PHF1: variants seen among roughly 807,000 people sequenced by gnomAD.
PHF1 encodes polycomb-like 1.
Under a neutral mutation model 69.4 loss-of-function variants are expected in PHF1, and 16 were observed. That is an observed-to-expected ratio of 0.23 (90% confidence interval 0.16 to 0.35). The LOEUF (loss-of-function observed/expected upper bound fraction) is 0.35. PHF1 is among the 10% of genes least tolerant of loss of function. The pLI, the probability that PHF1 is intolerant of heterozygous loss-of-function variation, is 1.00. For missense variants in PHF1, 515 were observed against 732.8 expected, an observed-to-expected ratio of 0.70 and a Z score of 3.43; for synonymous variants, 274 against 275.0, an observed-to-expected ratio of 1.00 and a Z score of 0.04.
At position 33,414,505 on chromosome 6, in the gene PHF1, C is replaced by T; in HGVS notation, c.905C>T (p.Ser302Phe). ...TCAGACACCCCCAAAGGAGAACGTT[C>T]TTCCAGGCTCCTCTCTGCTCTTAAC... ...ELSDTPKGER[S>F]SRLLSALNSH... Residue 302 changes from serine to phenylalanine, a missense_variant, in exon 10 of 15, where the codon TCT (serine) becomes TTT (phenylalanine). Around this residue, in one of 5 missense-constraint regions of PHF1, gnomAD observed 142 missense variants for 309.7 expected, o/e 0.46. Coordinates refer to ENST00000374516, the MANE Select transcript of PHF1 (RefSeq NM_024165.3). This position sits in a 1 kb window ranked among gnomAD's most constrained non-coding sequence, Gnocchi z 5.0. The T allele has an allele frequency of 1.9e-6, 3 of 1,613,970 alleles. No individual in the cohort carries two copies. Among genetic ancestry groups the T allele is most frequent in the Non-Finnish European group, 2.5e-6 (3 of 1,179,922 alleles).
chr6:33,414,158 T>G lies in PHF1; in HGVS notation c.752+49T>G. 6.2e-7 allele frequency: 1 copy of G among 1,613,780 alleles called. No individual in the cohort carries two copies. The highest frequency in any genetic ancestry group is 8.5e-7 in the Non-Finnish European group (1 of 1,179,716). On this transcript the variant is annotated intron_variant, in intron 8 of 14. Transcript: ENST00000374516. The surrounding 1 kb of genome is among the most constrained non-coding windows in gnomAD (Gnocchi z 5.0). ...CAGTGTAACTCCACACCACAGTATT[T>G]CACTCTATATGCCCCAACCTCCCAC...
rs753675802 is a variant in PHF1 at position 33,416,142 on chromosome 6, T to A, written c.*44T>A. ...GCTCCCCATTCACACACACCGGCAC[T>A]TTCATACCCTGACCTCTGACCTCAC... is the stretch of plus-strand genomic sequence containing the variant. On this transcript the variant is annotated 3_prime_UTR_variant, in exon 15 of 15. Transcript: ENST00000374516. 2.0e-6 allele frequency: 3 copies of A among 1,477,598 alleles called. No homozygotes were observed. In the Admixed American group the frequency reaches 6.7e-5, roughly 33 times the overall value. The allele number at this position is 1,477,598 out of a possible 1,614,324, so 91.5% of individuals were successfully genotyped here.
At position 33,412,299 on chromosome 6, in the gene PHF1, C is replaced by T. The variant is rs748650664; in HGVS notation, c.36C>T (p.Ala12=). The T allele has an allele frequency of 1.2e-6, 2 of 1,614,028 alleles. No homozygotes were observed. Among genetic ancestry groups the T allele is most frequent in the African/African-American group, 2.7e-5 (2 of 74,950 alleles). Residue 12 remains alanine, a synonymous_variant, in exon 2 of 15, where the codon GCC becomes GCT. Transcript: ENST00000374516. This position sits in a 1 kb window ranked among gnomAD's most constrained non-coding sequence, Gnocchi z 4.2. ...AQPPRLSRSG[A]SSLWDPASPA... ...CCCCCCGGCTGAGCCGCTCTGGTGC[C>T]TCCTCACTTTGGGACCCAGCTTCTC...
chr6:33,412,910 A>G lies in PHF1; in HGVS notation c.337+117A>G. On this transcript the variant is annotated intron_variant, in intron 4 of 14. Coordinates refer to ENST00000374516, the MANE Select transcript of PHF1 (RefSeq NM_024165.3). This position sits in a 1 kb window ranked among gnomAD's most constrained non-coding sequence, Gnocchi z 4.2. ...TGCTCTGGCCAGGCTGCTTAGCCTT[A>G]TCTTAGTCCTCATCCGCTTTCAGCC... is the stretch of plus-strand genomic sequence containing the variant. 1 of 872,870 alleles carries G rather than the reference A, an allele frequency of 1.1e-6. No homozygotes were observed. The allele number at this position is 872,870 out of a possible 1,614,324, so 54.1% of individuals were successfully genotyped here.
intron 14 of PHF1, 52 bp from the exon 15 acceptor site, chr6:33,415,758 C>T: frequency 6.2e-7 from 1 of 1,601,052 alleles, no homozygotes; most frequent in Non-Finnish European, 8.5e-7. Context: ...TTCTCTGATT[C>T]ACATGTGCTC....
At chr6:33,411,866 G>T (rs1776087424) in intron 1 of PHF1, among the ~76,000 whole-genome samples, 1 of 152,182 alleles carries the variant, frequency 6.6e-6, no homozygotes, top group African/African-American at 2.4e-5. Flanking sequence ...AATAGGCAAA[G>T]AAAATGGGGA....
At chr6:33,415,741 A>C (rs1475830317) in intron 14 of PHF1, 69 bp from the exon 15 acceptor site, 9 of 1,605,298 alleles carry the variant, frequency 5.6e-6, no homozygotes, top group Non-Finnish European at 7.7e-6. Context: ...TTAGTCTCTA[A>C]CACTGTTTCT....
intron 13 of PHF1, 106 bp downstream of exon 13, chr6:33,415,435 T>C: frequency 8.1e-7 from 1 of 1,235,938 alleles, no homozygotes; most frequent in Non-Finnish European, 1.2e-6. Context: ...GGCTACCCAC[T>C]TCTTGGCCTA....
chr6:33,411,263 C>CGGCGCGG (rs939562104), intron 1 of PHF1, 48 bp downstream of exon 1: 1 of 151,888 alleles, frequency 6.6e-6, no homozygotes, highest in Non-Finnish European at 1.5e-5. Context: ...AGCCGGGGGT[C>CGGCGCGG]GGCGCGGGGC....
Position 33,416,234 on chromosome 6 carries a change from A to T in PHF1, c.*136A>T. 2 of 644,240 alleles carry T rather than the reference A, an allele frequency of 3.1e-6. No homozygotes were observed. Among genetic ancestry groups the T allele is most frequent in the Non-Finnish European group, 4.9e-6 (2 of 410,446 alleles). 39.9% of individuals were successfully genotyped at this position (644,240 alleles called of 1,614,324 possible). On this transcript the variant is annotated 3_prime_UTR_variant, in exon 15 of 15. Coordinates refer to ENST00000374516, the MANE Select transcript of PHF1 (RefSeq NM_024165.3). ...CCTACTGCCCAGGCTGGAATCCAAGAGTGGGGAGTGGGGAAGAGGCCCTCT... is the reference window on the plus strand; with the variant it reads ...CCTACTGCCCAGGCTGGAATCCAAGTGTGGGGAGTGGGGAAGAGGCCCTCT...
In PHF1 at chr6:33,412,304, C is replaced by T. The variant is rs368297880; in HGVS notation, c.41C>T (p.Ser14Leu). 16 of 1,614,076 alleles carry T rather than the reference C, an allele frequency of 9.9e-6. No individual in the cohort carries two copies. The highest frequency in any genetic ancestry group is 3.3e-5 in the Admixed American group (2 of 60,010). The change falls in exon 2 of 15, where the codon TCA becomes TTA. Residue 14 changes from serine (S) to leucine (L), a missense_variant. Coordinates refer to ENST00000374516, the MANE Select transcript of PHF1 (RefSeq NM_024165.3). The surrounding 1 kb of genome is among the most constrained non-coding windows in gnomAD (Gnocchi z 4.2). ...CGGCTGAGCCGCTCTGGTGCCTCCT[C>T]ACTTTGGGACCCAGCTTCTCCTGCT... The part of the protein sequence containing the change: ...PPRLSRSGAS[S>L]LWDPASPAPT...
At chr6:33,415,710 C>T (rs754145165) in intron 14 of PHF1, 40 bp downstream of exon 14, 5 of 1,609,446 alleles carry the variant, frequency 3.1e-6, no homozygotes, top group East Asian at 2.2e-5. Context: ...GCTCTTCTTC[C>T]CCTCTATGTG....
Position 33,414,118 on chromosome 6 carries a change from G to T in PHF1, c.752+9G>T, listed in dbSNP as rs1244533871. 6.2e-7 allele frequency: 1 copy of T among 1,614,108 alleles called. No homozygotes were observed. The highest frequency in any genetic ancestry group is 1.7e-5 in the Admixed American group (1 of 60,018). ...AGACTACAGCTTCGCTGGTGAGCTGGATTGGGCATGACCTCAGTGTAACTC... is the reference window on the plus strand; with the variant it reads ...AGACTACAGCTTCGCTGGTGAGCTGTATTGGGCATGACCTCAGTGTAACTC... On this transcript the variant is annotated intron_variant, in intron 8 of 14. Coordinates refer to ENST00000374516, the MANE Select transcript of PHF1 (RefSeq NM_024165.3). The surrounding 1 kb of genome is among the most constrained non-coding windows in gnomAD (Gnocchi z 5.0).
At chr6:33,413,940 G>A in intron 7 of PHF1, 101 bp from the exon 8 acceptor site, 2 of 1,543,286 alleles carry the variant, frequency 1.3e-6, no homozygotes, top group African/African-American at 2.7e-5. Flanking sequence ...AACCTCTGCA[G>A]CGTTACCTCA....
In PHF1 at chr6:33,414,847, G is replaced by T. The variant is rs768092213; in HGVS notation, c.1049+18G>T. The T allele has an allele frequency of 3.1e-6, 5 of 1,605,510 alleles. No homozygotes were observed. The highest frequency in any genetic ancestry group is 4.3e-6 in the Non-Finnish European group (5 of 1,174,412). Reference sequence around the variant, plus strand: ...CTCACCAGGTCACTGGTCCAGGGGGGATGGGGGAAATTCTCAGGGTGTTAG... The same window carrying T: ...CTCACCAGGTCACTGGTCCAGGGGGTATGGGGGAAATTCTCAGGGTGTTAG... On this transcript the variant is annotated intron_variant, in intron 11 of 14. Coordinates refer to ENST00000374516, the MANE Select transcript of PHF1 (RefSeq NM_024165.3). The surrounding 1 kb of genome is among the most constrained non-coding windows in gnomAD (Gnocchi z 5.0).
Position 33,412,839 on chromosome 6 carries a change from A to G in PHF1, c.337+46A>G. The G allele has an allele frequency of 6.7e-7, 1 of 1,503,412 alleles. No individual in the cohort carries two copies. Among genetic ancestry groups the G allele is most frequent in the Non-Finnish European group, 9.3e-7 (1 of 1,079,726 alleles). The allele number at this position is 1,503,412 out of a possible 1,614,324, so 93.1% of individuals were successfully genotyped here. ...AATGGTCCAGCTTGCTCTTCCCTCCAGGATGGTCTCTATATCACCTGTCCT... is the reference window on the plus strand; with the variant it reads ...AATGGTCCAGCTTGCTCTTCCCTCCGGGATGGTCTCTATATCACCTGTCCT... On this transcript the variant is annotated intron_variant, in intron 4 of 14. Transcript: ENST00000374516. This position sits in a 1 kb window ranked among gnomAD's most constrained non-coding sequence, Gnocchi z 4.2.
rs1776245252 is a variant in PHF1, at chr6:33,413,730, CCT to C, written c.588-4_588-3del. Reference sequence around the variant, plus strand: ...TGGAGGCCAGAAGTCCTGTGTTCCCCCTCAGGTGGAACCTGAAAATGCTGCAG... The same window carrying C: ...TGGAGGCCAGAAGTCCTGTGTTCCCCCAGGTGGAACCTGAAAATGCTGCAG... On this transcript the variant is annotated splice_polypyrimidine_tract_variant and splice_region_variant and intron_variant, in intron 6 of 14. Transcript: ENST00000374516. The C allele has an allele frequency of 1.2e-6, 2 of 1,612,266 alleles. No individual in the cohort carries two copies. Among genetic ancestry groups the C allele is most frequent in the African/African-American group, 2.7e-5 (2 of 74,828 alleles).
chr6:33,410,637 GCTGTGAACTGGGGCCGGGGGGCGGGA>G (rs1195288925), upstream of PHF1: 2 of 146,414 alleles, frequency 1.4e-5, no homozygotes, highest in Non-Finnish European at 3.0e-5. Context: ...GGAGGGCGGG[GCTGTGAACTGGGGCCGGGGGGCGGGA>G]CTTGGAGTGA....
chr6:33,414,332 C>T lies in PHF1; in HGVS notation c.842C>T (p.Thr281Ile), dbSNP rs777108891. The change falls in exon 9 of 15, where the codon ACT (threonine) becomes ATT (isoleucine). Residue 281 changes from threonine (T) to isoleucine (I), a missense_variant. By Grantham distance (89) the Thr-to-Ile change is moderately conservative. Transcript: ENST00000374516. This position sits in a 1 kb window ranked among gnomAD's most constrained non-coding sequence, Gnocchi z 5.0. Reference sequence around the variant, plus strand: ...TTTGATCGTGAGATCCTCCCCTTCACTTCTGAGAATTGGGACAGTTTGCTC... The same window carrying T: ...TTTGATCGTGAGATCCTCCCCTTCATTTCTGAGAATTGGGACAGTTTGCTC... ...FDFDREILPF[T>I]SENWDSLLLG... is the part of the protein sequence containing the mutation. The T allele has an allele frequency of 1.6e-4, 261 of 1,614,046 alleles. No homozygotes were observed. Among genetic ancestry groups the T allele is most frequent in the Non-Finnish European group, 2.1e-4 (247 of 1,180,030 alleles).
Sources: gnomAD v4.1 joint callset for allele counts (sites outside exome capture counted in the v4.1 genomes callset) on GRCh38, gnomAD v4.1.1 for gene constraint, gnomAD v4.1.1 regional missense constraint, Gnocchi (gnomAD v3.1) non-coding constraint, MANE v1.5 for transcripts, NCBI Gene and HGNC (gene_info 2026-07-23, HGNC 2026-07-21) for gene names.